The following ITPR2 variants were observed in gnomAD, a reference collection of about 807,000 sequenced individuals.
The protein encoded by ITPR2 is inositol 1,4,5-trisphosphate-gated calcium channel ITPR2.
ITPR2 carries 207 observed loss-of-function variants against 317.1 expected under a neutral mutation model. That is an observed-to-expected ratio of 0.65 (90% CI 0.58 to 0.73). The LOEUF (loss-of-function observed/expected upper bound fraction) is 0.73, where lower values mean the gene tolerates loss of function less well. ITPR2 is among the 30% of genes least tolerant of loss of function. ITPR2 has a pLI of 0.00. For synonymous variants in ITPR2, 1,156 were observed against 1,149.1 expected, an observed-to-expected ratio of 1.01 and a Z score of -0.12; for missense variants, 2,613 against 3,284.0, an observed-to-expected ratio of 0.80 and a Z score of 4.99.
At chr12:26,786,323 C>T (rs1334538258) in intron 2 of ITPR2, among the ~76,000 whole-genome samples, 2 of 122,508 alleles carry the variant, frequency 1.6e-5, no homozygotes, top group Non-Finnish European at 3.4e-5. Context: ...TGCGGAAGGC[C>T]GCAGGGTCCT....
intron 26 of ITPR2, among the ~76,000 whole-genome samples, chr12:26,614,130 A>C (rs191962271): frequency 2.6e-4 from 39 of 152,238 alleles, no homozygotes; most frequent in African/African-American, 9.4e-4. Context: ...ATATAAACCT[A>C]TTTTAAGTAC....
At chr12:26,783,373 A>G (rs1950129040) in intron 2 of ITPR2, among the ~76,000 whole-genome samples, 1 of 152,214 alleles carries the variant, frequency 6.6e-6, no homozygotes, top group Non-Finnish European at 1.5e-5. Context: ...ATCAACCAAG[A>G]GAAGTGGCTG....
intron 37 of ITPR2, among the ~76,000 whole-genome samples, chr12:26,495,854 A>G (rs556439898): frequency 1.3e-5 from 2 of 152,184 alleles, no homozygotes; most frequent in Non-Finnish European, 2.9e-5. Context: ...GGAACAGAGC[A>G]GGTACTCAAA....
intron 37 of ITPR2, among the ~76,000 whole-genome samples, chr12:26,502,895 A>G (rs1159494048): frequency 6.6e-6 from 1 of 152,176 alleles, no homozygotes; most frequent in East Asian, 1.9e-4. Flanking sequence ...GATGTCTGTT[A>G]TATTTCCATA....
At chr12:26,810,137 G>C (rs541708343) in intron 1 of ITPR2, among the ~76,000 whole-genome samples, 1 of 152,320 alleles carries the variant, frequency 6.6e-6, no homozygotes, top group African/African-American at 2.4e-5. Context: ...CTTTTGTCTA[G>C]TCTGAAGAAG....
chr12:26,524,390 A>T (rs1331987445), intron 37 of ITPR2, among the ~76,000 whole-genome samples: 1 of 152,224 alleles, frequency 6.6e-6, no homozygotes, highest in African/African-American at 2.4e-5. Context: ...AAAAATATGC[A>T]CAACTATGAA....
chr12:26,458,620 CAATGATACAGTTAATA>C (rs1401022627), intron 45 of ITPR2, among the ~76,000 whole-genome samples: 1 of 152,196 alleles, frequency 6.6e-6, no homozygotes, highest in Non-Finnish European at 1.5e-5. Context: ...CTTCTAGAAT[CAATGATACAGTTAATA>C]AAATGAGGGG....
At chr12:26,447,167 C>A (rs1387128490) in intron 45 of ITPR2, among the ~76,000 whole-genome samples, 2 of 151,854 alleles carry the variant, frequency 1.3e-5, no homozygotes, top group African/African-American at 4.8e-5. Flanking sequence ...TTGTTGAAAT[C>A]AATGAAGAAA....
intron 2 of ITPR2, among the ~76,000 whole-genome samples, chr12:26,767,550 G>A (rs1389292118): frequency 6.6e-6 from 1 of 152,196 alleles, no homozygotes; most frequent in African/African-American, 2.4e-5. Context: ...CTCTTTTCAT[G>A]TCCCAGAGTT....
At chr12:26,632,781 T>C (rs1267289114) in intron 21 of ITPR2, among the ~76,000 whole-genome samples, 1 of 152,216 alleles carries the variant, frequency 6.6e-6, no homozygotes, top group African/African-American at 2.4e-5. Context: ...TTTCCGTCTC[T>C]TTCTGAATTT....
chr12:26,783,992 G>A (rs1592126247), intron 2 of ITPR2, among the ~76,000 whole-genome samples: 1 of 145,122 alleles, frequency 6.9e-6, no homozygotes, highest in East Asian at 2.0e-4. Context: ...AAGGACTTTA[G>A]TGGAAAAGCT....
intron 2 of ITPR2, among the ~76,000 whole-genome samples, chr12:26,788,992 C>T (rs977979316): frequency 3.9e-5 from 6 of 152,196 alleles, no homozygotes; most frequent in African/African-American, 1.4e-4. Context: ...TACGTGTCCC[C>T]TCAAGGTAGC....
Position 26,653,916 on chromosome 12 carries a change from GT to G in ITPR2, c.2740+59del, listed in dbSNP as rs1358079394. On this transcript the variant is annotated intron_variant, in intron 21 of 56. Coordinates refer to ENST00000381340, the MANE Select transcript of ITPR2 (RefSeq NM_002223.4). ...ATAGCAACCCCTTCTCTGTAGTTTT[GT>G]TTTTTATCTTACTTCCAAGTAATAA... 4.8e-5 allele frequency: 69 copies of G among 1,451,054 alleles called. No individual in the cohort carries two copies. The Middle Eastern group carries it at 1.2e-3, about 25-fold the overall frequency. 89.9% of individuals were successfully genotyped at this position (1,451,054 alleles called of 1,614,324 possible). A position where few individuals can be genotyped will look rare whatever the true frequency, so the allele number is the denominator to read the frequency against.
At chr12:26,701,033 A>G (rs1226686464) in intron 9 of ITPR2, among the ~76,000 whole-genome samples, 3 of 152,242 alleles carry the variant, frequency 2.0e-5, no homozygotes, top group Admixed American at 6.5e-5. Flanking sequence ...CACTGCAGCC[A>G]TGGCAGTGAG....
At chr12:26,618,998 A>G (rs1946434941) in intron 26 of ITPR2, among the ~76,000 whole-genome samples, 1 of 152,220 alleles carries the variant, frequency 6.6e-6, no homozygotes, top group African/African-American at 2.4e-5. Flanking sequence ...CCTCTGTTAT[A>G]TAGGGAGGGA....
rs1451745364 is a variant in ITPR2, at chr12:26,622,203, T to A, written c.3288+37A>T. On this transcript the variant is annotated intron_variant, in intron 25 of 56. Coordinates refer to ENST00000381340, the MANE Select transcript of ITPR2 (RefSeq NM_002223.4). ...TGGATGTTATTAACACTTTCAGAGC[T>A]TTTGCTGTGGATGCATTGAGGGCTC... 4 of 1,575,524 alleles carry A rather than the reference T, an allele frequency of 2.5e-6. No individual in the cohort carries two copies. In the Admixed American group the frequency reaches 7.4e-5, roughly 29 times the overall value.
chr12:26,483,952 TG>T, intron 41 of ITPR2, 54 bp from the exon 42 acceptor site: 1 of 1,451,370 alleles, frequency 6.9e-7, no homozygotes, highest in Non-Finnish European at 9.7e-7. Context: ...CTGTGCTGAT[TG>T]TTTGCTGTTC....
intron 49 of ITPR2, among the ~76,000 whole-genome samples, chr12:26,424,586 G>GTTTTTTTTTTTTTTT (rs775756580): frequency 1.1e-5 from 1 of 88,706 alleles, no homozygotes; most frequent in African/African-American, 4.6e-5. Flanking sequence ...TTCGTTTTGT[G>GTTTTTTTTTTTTTTT]TTTTTTTTTT....
chr12:26,395,386 G>A (rs1367228356), intron 54 of ITPR2, among the ~76,000 whole-genome samples: 1 of 152,120 alleles, frequency 6.6e-6, no homozygotes, highest in Admixed American at 6.5e-5. Context: ...ACTGTGAAAA[G>A]CCAAAGAGAA....
Sources: allele counts gnomAD v4.1 joint callset (sites outside exome capture counted in the v4.1 genomes callset), GRCh38; gene constraint gnomAD v4.1.1; transcripts MANE v1.5; gene names NCBI Gene and HGNC (gene_info 2026-07-23, HGNC 2026-07-21).